Variants in VPS13C observed in about 807,000 individuals in gnomAD.
The protein encoded by VPS13C is vacuolar protein sorting 13 homolog C.
Under a neutral mutation model 456.8 loss-of-function variants are expected in VPS13C, and 358 were observed. That is an observed-to-expected ratio of 0.78 (90% CI 0.72 to 0.86). VPS13C has a LOEUF of 0.86. VPS13C is among the 40% of genes least tolerant of loss of function. The probability of loss-of-function intolerance (pLI) is 0.00; values close to 1 mark genes in which losing one functional copy is unlikely to be tolerated. For synonymous variants in VPS13C, 1,578 were observed against 1,486.7 expected, an observed-to-expected ratio of 1.06 and a Z score of -1.41; for missense variants, 4,818 against 4,385.4, an observed-to-expected ratio of 1.10 and a Z score of -2.79.
rs1596256878 is a variant in VPS13C, at chr15:61,854,292, A to G, written c.*165T>C. The G allele has an allele frequency of 1.5e-6, 1 of 668,706 alleles. No individual in the cohort carries two copies. The highest frequency in any genetic ancestry group is 2.7e-5 in the East Asian group (1 of 37,368). 41.4% of individuals were successfully genotyped at this position (668,706 alleles called of 1,614,324 possible). A position where few individuals can be genotyped will look rare whatever the true frequency, so the allele number is the denominator to read the frequency against. ...ATATACATGGTTACAAAATTAGAGT[A>G]AAAACTAAAAGGTGAAAAAACTAGA... is the stretch of plus-strand genomic sequence containing the variant. On this transcript the variant is annotated 3_prime_UTR_variant, in exon 85 of 85. Coordinates refer to ENST00000644861, the MANE Select transcript of VPS13C (RefSeq NM_020821.3).
At position 61,941,426 on chromosome 15, in the gene VPS13C, GT is replaced by G. The variant is rs201395661; in HGVS notation, c.5453+336del. ...AATCTTAAATTTTATATATTACGAA[GT>G]TTTTTCCCACCAAAAATAAAAAAGG... On this transcript the variant is annotated intron_variant, in intron 46 of 84. Coordinates refer to ENST00000644861, the MANE Select transcript of VPS13C (RefSeq NM_020821.3). 6.4e-3 allele frequency among the ~76,000 whole-genome samples: 975 copies of G among 152,112 alleles called. 6 individuals carry two copies. Among genetic ancestry groups the G allele is most frequent in the East Asian group, 0.018 (93 of 5,186 alleles).
In VPS13C at chr15:61,909,092, C is replaced by G. The variant is rs767073024; in HGVS notation, c.8878G>C (p.Glu2960Gln). The G allele has an allele frequency of 6.2e-7, 1 of 1,612,802 alleles. No individual in the cohort carries two copies. Among genetic ancestry groups the G allele is most frequent in the South Asian group, 1.1e-5 (1 of 90,992 alleles). Reference protein sequence around the residue: ...GGILVDVNTAEHSTVITFSDY... With the variant: ...GGILVDVNTAQHSTVITFSDY... ...GAAAAAGTTATGACAGTTGAATGTT[C>G]GGCAGTGTTTACATCCACCAAGATA... The change falls in exon 65 of 85, where the codon GAA (glutamate) becomes CAA (glutamine). Residue 2960 changes from glutamate (E) to glutamine (Q), a missense_variant. Coordinates refer to ENST00000644861, the MANE Select transcript of VPS13C (RefSeq NM_020821.3).
chr15:61,867,049 T>G lies in VPS13C; in HGVS notation c.10863+1610A>C. 1.1e-6 allele frequency: 1 copy of G among 918,286 alleles called. No homozygotes were observed. Among genetic ancestry groups the G allele is most frequent in the Non-Finnish European group, 1.3e-6 (1 of 768,594 alleles). 56.9% of individuals were successfully genotyped at this position (918,286 alleles called of 1,614,324 possible). A position where few individuals can be genotyped will look rare whatever the true frequency, so the allele number is the denominator to read the frequency against. Reference sequence around the variant, plus strand: ...AGGATACTAATTTCAAAAATAATGATTATAATTATTTTTTCTCTAAGATAA... The same window carrying G: ...AGGATACTAATTTCAAAAATAATGAGTATAATTATTTTTTCTCTAAGATAA... On this transcript the variant is annotated intron_variant, in intron 81 of 84. Coordinates refer to ENST00000644861, the MANE Select transcript of VPS13C (RefSeq NM_020821.3). This position sits in a 1 kb window ranked among gnomAD's most constrained non-coding sequence, Gnocchi z 5.0.
chr15:62,037,435 A>C (rs1262792043), intron 3 of VPS13C, among the ~76,000 whole-genome samples: 22 of 124,398 alleles, frequency 1.8e-4, no homozygotes, highest in Non-Finnish European at 2.4e-4. Flanking sequence ...TATAAATATA[A>C]TATATATTAA....
At chr15:61,893,005 C>A (rs1407818840) in intron 66 of VPS13C, among the ~76,000 whole-genome samples, 1 of 151,964 alleles carries the variant, frequency 6.6e-6, no homozygotes, top group Non-Finnish European at 1.5e-5. Flanking sequence ...CTCAAAAGAG[C>A]AAATCTAAGA....
intron 9 of VPS13C, among the ~76,000 whole-genome samples, chr15:62,017,428 G>C (rs7179381): frequency 1.3e-5 from 2 of 152,006 alleles, no homozygotes; most frequent in African/African-American, 4.8e-5. Flanking sequence ...GGTCTAACAT[G>C]TAAGTCTTTA....
At position 61,961,642 on chromosome 15, in the gene VPS13C, A is replaced by G; in HGVS notation, c.3855T>C (p.Asn1285=). 3.7e-6 allele frequency: 6 copies of G among 1,613,560 alleles called. No individual in the cohort carries two copies. Among genetic ancestry groups the G allele is most frequent in the South Asian group, 3.3e-5 (3 of 90,982 alleles). Residue 1285 remains asparagine (N), a synonymous_variant, in exon 35 of 85, where the codon AAT becomes AAC. Transcript: ENST00000644861. ...FSLVSDEDYL[N]PPVIDRMDVQ... ...CATCCATTCTATCAATTACTGGAGG[A>G]TTTAAGTAGTCTTCATCAGACACCA...
At chr15:61,891,424 A>G (rs1229440796) in intron 66 of VPS13C, among the ~76,000 whole-genome samples, 1 of 152,204 alleles carries the variant, frequency 6.6e-6, no homozygotes. Flanking sequence ...ATGTGATCAA[A>G]GATGCCTGCC....
chr15:61,926,270 C>T (rs1275075567), intron 52 of VPS13C, among the ~76,000 whole-genome samples: 1 of 152,134 alleles, frequency 6.6e-6, no homozygotes, highest in Non-Finnish European at 1.5e-5. Flanking sequence ...ACAAAACTAG[C>T]CAGCTAGTAG....
At chr15:62,004,171 A>G (rs868102383) in intron 15 of VPS13C, among the ~76,000 whole-genome samples, 105 of 151,142 alleles carry the variant, frequency 6.9e-4, no homozygotes, top group Non-Finnish European at 1.1e-3. Context: ...TGGTTGGTAA[A>G]CTATTGATTA....
chr15:61,905,994 T>TA lies in VPS13C; in HGVS notation c.9105+1269dup, dbSNP rs546138422. Among the ~76,000 whole-genome samples the TA allele has an allele frequency of 4.4e-4, 67 of 152,268 alleles. No homozygotes were observed. In the East Asian group the frequency reaches 0.013, roughly 28 times the overall value. ...CGAAATGCTTCTTCTGGTCCTGTAGTAAAAAAATTTTCAGAGGTATAACTA... is the reference window on the plus strand; with the variant it reads ...CGAAATGCTTCTTCTGGTCCTGTAGTAAAAAAAATTTTCAGAGGTATAACTA... On this transcript the variant is annotated intron_variant, in intron 66 of 84. Transcript: ENST00000644861.
intron 48 of VPS13C, among the ~76,000 whole-genome samples, chr15:61,936,113 A>C (rs2044218922): frequency 6.6e-6 from 1 of 152,202 alleles, no homozygotes; most frequent in Admixed American, 6.5e-5. Flanking sequence ...CAAAAGGTTC[A>C]CTGCTTTTAA....
chr15:61,855,871 C>A (rs1380171004), intron 83 of VPS13C, among the ~76,000 whole-genome samples: 1 of 151,854 alleles, frequency 6.6e-6, no homozygotes, highest in East Asian at 1.9e-4. Flanking sequence ...AATAAAAGTG[C>A]TTCCTTACAA....
At chr15:61,978,113 ATTAAG>A (rs1438018744) in intron 23 of VPS13C, among the ~76,000 whole-genome samples, 4 of 152,078 alleles carry the variant, frequency 2.6e-5, no homozygotes, top group Admixed American at 6.6e-5. Context: ...TTGGAAAATA[ATTAAG>A]TTAATTATCT....
intron 4 of VPS13C, 143 bp from the exon 5 acceptor site, chr15:62,033,685 C>A: frequency 2.2e-6 from 1 of 464,650 alleles, no homozygotes; most frequent in Non-Finnish European, 3.6e-6. Flanking sequence ...TTTTACGAAA[C>A]ATTTAAACAT....
chr15:62,019,533 C>T (rs1051607677), intron 9 of VPS13C, among the ~76,000 whole-genome samples: 3 of 152,114 alleles, frequency 2.0e-5, no homozygotes, highest in Admixed American at 6.6e-5. Context: ...TTTCTGCCTT[C>T]ATTTCGTTAT....
intron 72 of VPS13C, 58 bp from the exon 73 acceptor site, chr15:61,880,780 T>G: frequency 6.5e-7 from 1 of 1,546,200 alleles, no homozygotes; most frequent in Non-Finnish European, 8.7e-7. Flanking sequence ...TAGAATTCGT[T>G]CAAAAGAGGC....
intron 56 of VPS13C, 21 bp from the exon 57 acceptor site, chr15:61,920,352 A>G (rs2043613402): frequency 1.3e-6 from 2 of 1,546,310 alleles, no homozygotes; most frequent in Non-Finnish European, 1.7e-6. Context: ...ACATATCATC[A>G]CAGTAAAATT....
chr15:61,979,738 G>C (rs538131712), intron 22 of VPS13C, among the ~76,000 whole-genome samples: 225 of 152,264 alleles, frequency 1.5e-3, no homozygotes, highest in African/African-American at 5.2e-3. Flanking sequence ...AATTCTGACT[G>C]AAAAATTAAA....
Sources: gnomAD v4.1 joint callset for allele counts (sites outside exome capture counted in the v4.1 genomes callset) on GRCh38, gnomAD v4.1.1 for gene constraint, Gnocchi (gnomAD v3.1) non-coding constraint, MANE v1.5 for transcripts, NCBI Gene and HGNC (gene_info 2026-07-23, HGNC 2026-07-21) for gene names.